ALG14: variants seen among roughly 807,000 people sequenced by gnomAD.
ALG14 encodes ALG14 UDP-N-acetylglucosaminyltransferase subunit.
Under a neutral mutation model 22.8 loss-of-function variants are expected in ALG14, and 17 were observed. That is an observed-to-expected ratio of 0.75 (90% confidence interval 0.51 to 1.12). The LOEUF (loss-of-function observed/expected upper bound fraction) is 1.12, where lower values mean the gene tolerates loss of function less well. Among genes scored for constraint, ALG14 ranks in the 50% most tolerant of loss-of-function variants. ALG14 has a pLI of 0.00. For missense variants in ALG14, 288 were observed against 271.8 expected (o/e 1.06, Z -0.42); for synonymous variants, 89 against 103.7 (o/e 0.86, Z 0.86).
chr1:95,057,975 G>A (rs146917646), intron 2 of ALG14, among the ~76,000 whole-genome samples: 6 of 151,854 alleles, frequency 4.0e-5, no homozygotes, highest in South Asian at 2.1e-4. Context: ...ACAACTGTAG[G>A]GATATTATGT....
chr1:95,041,065 T>G (rs924842067), intron 2 of ALG14, among the ~76,000 whole-genome samples: 1 of 152,226 alleles, frequency 6.6e-6, no homozygotes, highest in Non-Finnish European at 1.5e-5. Context: ...TATATCTACC[T>G]GATATACTAT....
At chr1:95,017,898 T>C (rs1461868315) in intron 3 of ALG14, among the ~76,000 whole-genome samples, 1 of 152,210 alleles carries the variant, frequency 6.6e-6, no homozygotes, top group Non-Finnish European at 1.5e-5. Flanking sequence ...GTAAGTGGTT[T>C]TGAATGGCAG....
At chr1:95,057,605 TCTC>T (rs1452019860) in intron 2 of ALG14, among the ~76,000 whole-genome samples, 3 of 137,394 alleles carry the variant, frequency 2.2e-5, no homozygotes, top group East Asian at 2.6e-4. Context: ...GATGGTCATT[TCTC>T]CTTAGATGAC....
intron 1 of ALG14, among the ~76,000 whole-genome samples, chr1:95,072,409 CTAAA>C (rs1416554040): frequency 6.6e-6 from 1 of 152,158 alleles, no homozygotes; most frequent in African/African-American, 2.4e-5. Context: ...GTTTCCTAAA[CTAAA>C]TACGCAATAC....
chr1:95,062,230 G>A (rs1000399861), intron 2 of ALG14: 1 of 152,120 alleles, frequency 6.6e-6, no homozygotes, highest in Non-Finnish European at 1.5e-5. Context: ...GGAATTCAAC[G>A]AAAAACTGCT....
chr1:94,990,627 C>T (rs768380377), intron 3 of ALG14, among the ~76,000 whole-genome samples: 6 of 152,212 alleles, frequency 3.9e-5, no homozygotes, highest in Non-Finnish European at 8.8e-5. Context: ...ACTGCGTGAA[C>T]GTACTACAGT....
At chr1:95,045,626 T>G (rs1213698785) in intron 2 of ALG14, among the ~76,000 whole-genome samples, 2 of 151,746 alleles carry the variant, frequency 1.3e-5, no homozygotes, top group African/African-American at 4.8e-5. Flanking sequence ...TGTATTAGTA[T>G]ATTAATAGAA....
At chr1:95,016,997 A>AGTGTG (rs1673520493) in intron 3 of ALG14, among the ~76,000 whole-genome samples, 1 of 78,198 alleles carries the variant, frequency 1.3e-5, no homozygotes, top group South Asian at 4.1e-4. Flanking sequence ...GTGTGTGTGT[A>AGTGTG]GTGTGGTGTG....
intron 3 of ALG14, among the ~76,000 whole-genome samples, chr1:94,984,739 A>G (rs993652906): frequency 6.6e-5 from 10 of 152,184 alleles, no homozygotes; most frequent in African/African-American, 2.4e-4. Flanking sequence ...AATGGAACTG[A>G]GAGTCAGGGG....
At chr1:95,046,048 A>C (rs1162942807) in intron 2 of ALG14, among the ~76,000 whole-genome samples, 1 of 151,272 alleles carries the variant, frequency 6.6e-6, no homozygotes, top group Non-Finnish European at 1.5e-5. Flanking sequence ...GTATATACTC[A>C]GTATACTCAG....
At chr1:94,992,002 G>A (rs1364329606) in intron 3 of ALG14, among the ~76,000 whole-genome samples, 2 of 151,248 alleles carry the variant, frequency 1.3e-5, no homozygotes, top group East Asian at 2.0e-4. Context: ...CCACTAACAC[G>A]CATGGAGCTG....
At chr1:95,069,981 C>G (rs12729492) in intron 1 of ALG14, among the ~76,000 whole-genome samples, 1 of 152,292 alleles carries the variant, frequency 6.6e-6, no homozygotes, top group Admixed American at 6.5e-5. Context: ...AGGAGAATTG[C>G]TTGAGGCCAG....
At chr1:94,999,734 C>G (rs1424060126) in intron 3 of ALG14, among the ~76,000 whole-genome samples, 1 of 152,180 alleles carries the variant, frequency 6.6e-6, no homozygotes, top group Admixed American at 6.5e-5. Flanking sequence ...GGGAAAGGAC[C>G]TCTGGCAGCA....
chr1:95,021,781 A>G (rs941600413), intron 3 of ALG14, among the ~76,000 whole-genome samples: 6 of 152,198 alleles, frequency 3.9e-5, no homozygotes, highest in Non-Finnish European at 8.8e-5. Flanking sequence ...TCTGGAGCTC[A>G]CTGCCTGTGA....
chr1:95,040,154 A>G lies in ALG14; in HGVS notation c.289-12894T>C, dbSNP rs761130886. Reference sequence around the variant, plus strand: ...ACCACTGCACTCCAGCCTGGGTGACAGAGTGAGACCCTGTCTCAAAATAAA... The same window carrying G: ...ACCACTGCACTCCAGCCTGGGTGACGGAGTGAGACCCTGTCTCAAAATAAA... On this transcript the variant is annotated intron_variant, in intron 2 of 3. Transcript: ENST00000370205. 1.5e-3 allele frequency among the ~76,000 whole-genome samples: 225 copies of G among 150,666 alleles called. 3 individuals are homozygous for G. The highest frequency in any genetic ancestry group is 2.9e-4 in the Non-Finnish European group (20 of 67,876).
chr1:95,000,535 T>TAAAAAA (rs71588535), intron 3 of ALG14, among the ~76,000 whole-genome samples: 10 of 70,616 alleles, frequency 1.4e-4, no homozygotes, highest in Non-Finnish European at 2.1e-4. Flanking sequence ...GACCCTGTCC[T>TAAAAAA]AAAAAAAAAA....
chr1:95,032,947 A>C (rs1674058621), intron 2 of ALG14, among the ~76,000 whole-genome samples: 1 of 152,182 alleles, frequency 6.6e-6, no homozygotes. Context: ...AATCAATACA[A>C]GGCTTATATT....
At chr1:94,999,295 A>G (rs1672994936) in intron 3 of ALG14, among the ~76,000 whole-genome samples, 1 of 151,832 alleles carries the variant, frequency 6.6e-6, no homozygotes, top group Non-Finnish European at 1.5e-5. Context: ...AAAAAAAAAA[A>G]AAAAAGTCCT....
At chr1:95,057,944 T>C (rs1190758282) in intron 2 of ALG14, among the ~76,000 whole-genome samples, 1 of 151,794 alleles carries the variant, frequency 6.6e-6, no homozygotes, top group Non-Finnish European at 1.5e-5. Context: ...GCATTACAAT[T>C]AGTATTGTAC....
Sources: allele counts gnomAD v4.1 joint callset (sites outside exome capture counted in the v4.1 genomes callset), GRCh38; gene constraint gnomAD v4.1.1; transcripts MANE v1.5; gene names NCBI Gene and HGNC (gene_info 2026-07-23, HGNC 2026-07-21).